The following SLC25A48 variants were observed in gnomAD, a reference collection of about 807,000 sequenced individuals.
SLC25A48 encodes the protein solute carrier family 25 member 48, also known as CTC-321K16.1.
In SLC25A48, 29 loss-of-function variants were observed where a neutral mutation model predicts 32.2. That is an observed-to-expected ratio of 0.90 (90% CI 0.67 to 1.23). SLC25A48 has a LOEUF of 1.23. SLC25A48 is among the 50% of genes most tolerant of loss of function. The probability of loss-of-function intolerance (pLI) is 0.00; values close to 1 mark genes in which losing one functional copy is unlikely to be tolerated. For synonymous variants in SLC25A48, 164 were observed against 172.3 expected, an observed-to-expected ratio of 0.95 and a Z score of 0.38; for missense variants, 399 against 422.7, an observed-to-expected ratio of 0.94 and a Z score of 0.49.
intron 3 of SLC25A48, among the ~76,000 whole-genome samples, chr5:135,768,225 CAGCG>C (rs1451938203): frequency 4.9e-5 from 7 of 143,826 alleles, no homozygotes; most frequent in Non-Finnish European, 9.2e-5. Context: ...TCATAATACT[CAGCG>C]GGAAAGAGGA....
intron 6 of SLC25A48, among the ~76,000 whole-genome samples, chr5:135,878,346 G>A (rs1207956385): frequency 6.6e-6 from 1 of 152,194 alleles, no homozygotes; most frequent in Non-Finnish European, 1.5e-5. Flanking sequence ...GCACCGGCAT[G>A]GAATTTTCCT....
chr5:135,715,647 G>A (rs1754779638), intron 3 of SLC25A48, among the ~76,000 whole-genome samples: 1 of 152,262 alleles, frequency 6.6e-6, no homozygotes, highest in Non-Finnish European at 1.5e-5. Flanking sequence ...GGGCACTAGA[G>A]TGTTGGCATG....
intron 3 of SLC25A48, among the ~76,000 whole-genome samples, chr5:135,668,945 A>G (rs911975958): frequency 1.3e-5 from 2 of 152,236 alleles, no homozygotes; most frequent in Non-Finnish European, 2.9e-5. Context: ...CAAAGATGTC[A>G]TAGCTCAGTG....
intron 3 of SLC25A48, among the ~76,000 whole-genome samples, chr5:135,730,578 G>A (rs1157021006): frequency 6.6e-6 from 1 of 152,256 alleles, no homozygotes; most frequent in East Asian, 1.9e-4. Flanking sequence ...TACAGATTTT[G>A]GTACTAGTAG....
At chr5:135,623,563 G>A (rs935931028) in intron 1 of SLC25A48, among the ~76,000 whole-genome samples, 10 of 152,214 alleles carry the variant, frequency 6.6e-5, no homozygotes, top group African/African-American at 2.4e-4. Flanking sequence ...GGCTCCACCT[G>A]ACCTCAGGCT....
chr5:135,812,115 A>G (rs1480553474), intron 3 of SLC25A48, among the ~76,000 whole-genome samples: 2 of 152,032 alleles, frequency 1.3e-5, no homozygotes, highest in East Asian at 1.9e-4. Context: ...ATAAATATGA[A>G]TATTTAAGGG....
At chr5:135,785,518 G>T in intron 3 of SLC25A48, among the ~76,000 whole-genome samples, 1 of 149,276 alleles carries the variant, frequency 6.7e-6, no homozygotes, top group East Asian at 2.0e-4. Context: ...GGGGCAGGGT[G>T]TGGAACACCC....
intron 1 of SLC25A48, among the ~76,000 whole-genome samples, chr5:135,580,465 C>A (rs1161350987): frequency 6.6e-6 from 1 of 152,160 alleles, no homozygotes; most frequent in African/African-American, 2.4e-5. Flanking sequence ...GGACAGTCTG[C>A]TGAAGGGTGC....
In SLC25A48 at chr5:135,700,668, T is replaced by C. The variant is rs117997941; in HGVS notation, c.-521+65712T>C. On this transcript the variant is annotated intron_variant, in intron 3 of 10. Coordinates refer to the SLC25A48 transcript ENST00000646290. ...TATATTTTGTGGCCCAGGTTGTAAA[T>C]ACTGTTCTCAATGGTGCAGGCACCC... Among the ~76,000 whole-genome samples the C allele has an allele frequency of 2.7e-4, 41 of 152,220 alleles. No individual in the cohort carries two copies. The East Asian group carries it at 7.4e-3, about 27-fold the overall frequency.
intron 6 of SLC25A48, among the ~76,000 whole-genome samples, chr5:135,878,204 G>A (rs1762191778): frequency 2.6e-5 from 4 of 152,306 alleles, no homozygotes; most frequent in African/African-American, 9.6e-5. Context: ...GCTGTCTGCT[G>A]GTCTGAAGTG....
chr5:135,837,142 AAGCCTGCCCTG>A (rs1288345641), intron 1 of SLC25A48, among the ~76,000 whole-genome samples: 1 of 152,010 alleles, frequency 6.6e-6, no homozygotes, highest in Non-Finnish European at 1.5e-5. Flanking sequence ...GGCTGGATCT[AAGCCTGCCCTG>A]AGCTGAAGGA....
At chr5:135,787,963 CATA>C (rs1756893399) in intron 3 of SLC25A48, among the ~76,000 whole-genome samples, 1 of 151,840 alleles carries the variant, frequency 6.6e-6, no homozygotes, top group African/African-American at 2.4e-5. Context: ...TGATATTATT[CATA>C]ATATTCTAGG....
intron 3 of SLC25A48, among the ~76,000 whole-genome samples, chr5:135,636,309 G>A (rs1011279428): frequency 3.9e-5 from 6 of 152,292 alleles, no homozygotes; most frequent in Admixed American, 2.0e-4. Flanking sequence ...TTTAATGAGC[G>A]AGAGACAAGT....
chr5:135,582,776 C>G (rs567774585), intron 1 of SLC25A48, among the ~76,000 whole-genome samples: 1 of 152,202 alleles, frequency 6.6e-6, no homozygotes, highest in South Asian at 2.1e-4. Flanking sequence ...TCACTGGCCC[C>G]TCCACCTGCA....
intron 3 of SLC25A48, among the ~76,000 whole-genome samples, chr5:135,704,032 T>C (rs545811942): frequency 1.3e-5 from 2 of 152,326 alleles, no homozygotes; most frequent in East Asian, 1.9e-4. Context: ...TCTGTGTCAA[T>C]TTGGACCATT....
At chr5:135,744,085 G>A (rs147023453) in intron 3 of SLC25A48, among the ~76,000 whole-genome samples, 1 of 152,210 alleles carries the variant, frequency 6.6e-6, no homozygotes, top group African/African-American at 2.4e-5. Flanking sequence ...CTTATCTTCT[G>A]TATAGCATAG....
At chr5:135,760,122 C>T (rs144750453) in intron 3 of SLC25A48, among the ~76,000 whole-genome samples, 13 of 152,272 alleles carry the variant, frequency 8.5e-5, no homozygotes, top group Admixed American at 3.3e-4. Flanking sequence ...TGAGCCACCG[C>T]GCCCGGCCCC....
intron 1 of SLC25A48, among the ~76,000 whole-genome samples, chr5:135,606,522 A>T (rs1206407941): frequency 6.6e-6 from 1 of 152,194 alleles, no homozygotes; most frequent in Non-Finnish European, 1.5e-5. Context: ...CAGCCCTGTG[A>T]GCCAGCAGCA....
At chr5:135,875,974 C>T (rs1762000214) in intron 6 of SLC25A48, 1 of 152,150 alleles carries the variant, frequency 6.6e-6, no homozygotes. Context: ...AACTTGAGTT[C>T]TGTCTTTATG....
Sources: allele counts gnomAD v4.1 joint callset (sites outside exome capture counted in the v4.1 genomes callset), GRCh38; gene constraint gnomAD v4.1.1; transcripts MANE v1.5; gene names NCBI Gene and HGNC (gene_info 2026-07-23, HGNC 2026-07-21).